Variants in RAP1GDS1 observed in about 807,000 individuals in gnomAD.
The protein encoded by RAP1GDS1 is Rap1 GTPase-GDP dissociation stimulator 1, also known as RAP1, GTP-GDP dissociation stimulator 1.
A neutral mutation model predicts 71.1 loss-of-function variants in RAP1GDS1; 35 were observed. That is an observed-to-expected ratio of 0.49 (90% confidence interval 0.38 to 0.65). The LOEUF (loss-of-function observed/expected upper bound fraction) is 0.65. RAP1GDS1 is among the 30% of genes least tolerant of loss of function. RAP1GDS1 has a pLI of 0.00. For missense variants in RAP1GDS1, 663 were observed against 706.1 expected, an observed-to-expected ratio of 0.94 and a Z score of 0.69; for synonymous variants, 229 against 243.1, an observed-to-expected ratio of 0.94 and a Z score of 0.54.
At chr4:98,350,476 A>G (rs866169403) in intron 3 of RAP1GDS1, among the ~76,000 whole-genome samples, 8 of 151,944 alleles carry the variant, frequency 5.3e-5, no homozygotes, top group African/African-American at 1.5e-4. Flanking sequence ...GGAGGCCACA[A>G]TGGGAGGATC....
intron 14 of RAP1GDS1, among the ~76,000 whole-genome samples, chr4:98,439,673 A>G (rs1005844174): frequency 6.6e-6 from 1 of 151,978 alleles, no homozygotes; most frequent in Non-Finnish European, 1.5e-5. Flanking sequence ...TTCTCTGATT[A>G]TTTCCCTTGT....
At chr4:98,374,760 G>A (rs191216125) in intron 4 of RAP1GDS1, among the ~76,000 whole-genome samples, 130 of 152,128 alleles carry the variant, frequency 8.5e-4, no homozygotes, top group Admixed American at 1.2e-3. Context: ...CTTACTTTAT[G>A]CTTAGAGTAT....
chr4:98,440,787 G>A (rs755230226), intron 14 of RAP1GDS1, among the ~76,000 whole-genome samples: 1 of 152,048 alleles, frequency 6.6e-6, no homozygotes, highest in Admixed American at 6.6e-5. Flanking sequence ...GTGCAATCTC[G>A]GCTCACCGTA....
chr4:98,376,507 C>T (rs1031015556), intron 4 of RAP1GDS1, among the ~76,000 whole-genome samples: 3 of 151,916 alleles, frequency 2.0e-5, no homozygotes, highest in East Asian at 3.8e-4. Flanking sequence ...TAAGATACTT[C>T]TAAAGATGAC....
chr4:98,420,552 G>C (rs1320849957), intron 11 of RAP1GDS1, among the ~76,000 whole-genome samples: 1 of 151,928 alleles, frequency 6.6e-6, no homozygotes, highest in Non-Finnish European at 1.5e-5. Context: ...AATTTCACTA[G>C]ACATGGGGCT....
At chr4:98,292,614 A>G (rs1055262577) in intron 1 of RAP1GDS1, among the ~76,000 whole-genome samples, 3 of 151,736 alleles carry the variant, frequency 2.0e-5, no homozygotes, top group Admixed American at 1.3e-4. Flanking sequence ...TTTTTTTGTT[A>G]GGAAATAATT....
Position 98,437,008 on chromosome 4 carries a change from AG to A in RAP1GDS1, c.1637del (p.Arg546LysfsTer13). On this transcript the variant is annotated frameshift_variant, in exon 14 of 15. Coordinates refer to ENST00000408927, the MANE Select transcript of RAP1GDS1 (RefSeq NM_001100427.2). LOFTEE classifies it high-confidence loss of function. ...TTTACATAGACTGCTAGCAGATGAG[AG>A]AAGTGCTCCTGAAATCAAATATAAT... ...QILHRLLADE[R>X]SAPEIKYNSM... The A allele has an allele frequency of 3.1e-6, 5 of 1,612,944 alleles. No homozygotes were observed. The highest frequency in any genetic ancestry group is 4.2e-6 in the Non-Finnish European group (5 of 1,179,684).
intron 2 of RAP1GDS1, among the ~76,000 whole-genome samples, chr4:98,316,728 G>A (rs1297310205): frequency 2.6e-5 from 4 of 152,168 alleles, no homozygotes; most frequent in Non-Finnish European, 5.9e-5. Flanking sequence ...TTAGCTCCAA[G>A]CCTGGGTCTT....
chr4:98,381,192 C>T (rs2063746), intron 5 of RAP1GDS1, among the ~76,000 whole-genome samples: 9,959 of 151,548 alleles, frequency 0.066, 373 homozygotes, highest in Admixed American at 0.13. Context: ...TATTATTAGA[C>T]AAATGGTCTT....
chr4:98,343,333 ATTAATTTATGTT>A lies in RAP1GDS1; in HGVS notation c.235+80_235+91del, dbSNP rs773913507. 3.4e-6 allele frequency: 5 copies of A among 1,480,644 alleles called. No individual in the cohort carries two copies. In the East Asian group the frequency reaches 9.1e-5, roughly 27 times the overall value. 91.7% of individuals were successfully genotyped at this position (1,480,644 alleles called of 1,614,324 possible). On this transcript the variant is annotated intron_variant, in intron 3 of 14. Coordinates refer to ENST00000408927, the MANE Select transcript of RAP1GDS1 (RefSeq NM_001100427.2). ...TACATCTTACTTGTCAGTATGCTTT[ATTAATTTATGTT>A]TTAATTTTGTAGATTAGACATTTTT...
chr4:98,403,384 AT>A (rs551670497), intron 6 of RAP1GDS1, among the ~76,000 whole-genome samples: 154 of 152,308 alleles, frequency 1.0e-3, no homozygotes, highest in African/African-American at 3.4e-3. Flanking sequence ...GACCTTGGTG[AT>A]TTATTAGATG....
At chr4:98,282,259 G>A (rs1725227013) in intron 1 of RAP1GDS1, among the ~76,000 whole-genome samples, 1 of 152,014 alleles carries the variant, frequency 6.6e-6, no homozygotes, top group South Asian at 2.1e-4. Flanking sequence ...TTGGTTGGTA[G>A]GCTATTAATT....
chr4:98,428,185 C>CA (rs562482725), intron 12 of RAP1GDS1, among the ~76,000 whole-genome samples: 51 of 147,478 alleles, frequency 3.5e-4, no homozygotes, highest in South Asian at 1.1e-3. Flanking sequence ...CAACTTAATA[C>CA]AAAAAAAAAA....
intron 7 of RAP1GDS1, among the ~76,000 whole-genome samples, chr4:98,408,784 G>A (rs10015953): frequency 0.042 from 6,379 of 152,186 alleles, 314 homozygotes; most frequent in African/African-American, 0.12. Flanking sequence ...TATTTAAGGG[G>A]AGAAACCATG....
intron 2 of RAP1GDS1, among the ~76,000 whole-genome samples, chr4:98,311,642 A>ATGTG (rs559690904): frequency 3.9e-5 from 6 of 152,104 alleles, no homozygotes; most frequent in Non-Finnish European, 8.8e-5. Context: ...GTGCACATGT[A>ATGTG]TGTGTGTGTT....
chr4:98,268,573 G>GA (rs1322037543), intron 1 of RAP1GDS1, among the ~76,000 whole-genome samples: 5 of 151,378 alleles, frequency 3.3e-5, no homozygotes, highest in African/African-American at 7.3e-5. Context: ...AAGACTCCTT[G>GA]AAAAAAAAGA....
intron 3 of RAP1GDS1, among the ~76,000 whole-genome samples, chr4:98,347,584 T>G (rs1346205713): frequency 6.6e-6 from 1 of 152,216 alleles, no homozygotes; most frequent in African/African-American, 2.4e-5. Flanking sequence ...ACTTAATGGC[T>G]CCTGCTTTCT....
At chr4:98,421,724 A>AG (rs1204873851) in intron 12 of RAP1GDS1, among the ~76,000 whole-genome samples, 1 of 152,202 alleles carries the variant, frequency 6.6e-6, no homozygotes, top group Non-Finnish European at 1.5e-5. Flanking sequence ...TATGATGTCC[A>AG]GAGCTCACAG....
intron 2 of RAP1GDS1, among the ~76,000 whole-genome samples, chr4:98,313,027 C>T (rs1264040413): frequency 1.4e-5 from 2 of 139,588 alleles, no homozygotes; most frequent in African/African-American, 5.6e-5. Context: ...CGAGATCACA[C>T]CACTGCACTC....
Sources: allele counts gnomAD v4.1 joint callset (sites outside exome capture counted in the v4.1 genomes callset), GRCh38; gene constraint gnomAD v4.1.1; transcripts MANE v1.5; gene names NCBI Gene and HGNC (gene_info 2026-07-23, HGNC 2026-07-21).